FRAS1: variants seen among roughly 807,000 people sequenced by gnomAD.
FRAS1 encodes the protein extracellular matrix organizing protein FRAS1.
Under a neutral mutation model 435.2 loss-of-function variants are expected in FRAS1, and 290 were observed. That is an observed-to-expected ratio of 0.67 (90% CI 0.61 to 0.73). The LOEUF (loss-of-function observed/expected upper bound fraction) is 0.73. FRAS1 is among the 30% of genes least tolerant of loss of function. FRAS1 has a pLI of 0.00. For synonymous variants in FRAS1, 1,800 were observed against 1,851.0 expected (o/e 0.97, Z 0.71); for missense variants, 4,860 against 5,001.5 (o/e 0.97, Z 0.85).
At chr4:78,496,644 T>G (rs1427230529) in intron 59 of FRAS1, among the ~76,000 whole-genome samples, 161 bp from the exon 60 acceptor site, 1 of 152,258 alleles carries the variant, frequency 6.6e-6, no homozygotes. Context: ...AAGCATGAAC[T>G]GTTAAATTTG....
rs543984594 is a variant in FRAS1 at position 78,466,223 on chromosome 4, T to G, written c.7045T>G (p.Phe2349Val). ...TTCCGGACAGGCCGAGTCTGTCACA[T>G]TCACCATCGTGCAGCCTCCACGCCA... ...DADTEAESVTFTIVQPPRHGT... is the reference protein window; with the variant it reads ...DADTEAESVTVTIVQPPRHGT... The change falls in exon 50 of 74, where the codon TTC becomes GTC. Residue 2349 changes from phenylalanine to valine, a missense_variant. Phe to Val is a conservative substitution (Grantham distance 50, BLOSUM62 -1). Coordinates refer to ENST00000512123, the MANE Select transcript of FRAS1 (RefSeq NM_025074.7). 3 of 1,613,812 alleles carry G rather than the reference T, an allele frequency of 1.9e-6. No homozygotes were observed. The highest frequency in any genetic ancestry group is 2.5e-6 in the Non-Finnish European group (3 of 1,179,848).
At chr4:78,106,062 C>T (rs1189773965) in intron 2 of FRAS1, among the ~76,000 whole-genome samples, 2 of 129,012 alleles carry the variant, frequency 1.6e-5, no homozygotes, top group South Asian at 2.5e-4. Flanking sequence ...CGGCGCACCA[C>T]GAGACTATAT....
chr4:78,436,296 A>G (rs1016604098), intron 38 of FRAS1, among the ~76,000 whole-genome samples: 1 of 152,218 alleles, frequency 6.6e-6, no homozygotes, highest in African/African-American at 2.4e-5. Context: ...GGGAAAGCAT[A>G]TTAAAACCAT....
Position 78,522,783 on chromosome 4 carries a change from T to G in FRAS1, c.10783T>G (p.Trp3595Gly). Residue 3595 changes from tryptophan (W) to glycine (G), a missense_variant, in exon 69 of 74, where the codon TGG (tryptophan) becomes GGG (glycine). By Grantham distance (184) the Trp-to-Gly change is radical. Transcript: ENST00000512123. ...GACTTTTGATTCTCCACATCAACTC[T>G]GGAGAGCCACAAGCTCTTATAACAG... ...AQTFDSPHQLWRATSSYNRKD... is the reference protein window; with the variant it reads ...AQTFDSPHQLGRATSSYNRKD... 1 of 1,611,300 alleles carries G rather than the reference T, an allele frequency of 6.2e-7. No homozygotes were observed. The highest frequency in any genetic ancestry group is 1.7e-4 in the Middle Eastern group (1 of 6,044).
chr4:78,286,266 C>A, intron 13 of FRAS1, 139 bp from the exon 14 acceptor site: 1 of 892,148 alleles, frequency 1.1e-6, no homozygotes, highest in South Asian at 1.3e-5. Flanking sequence ...CAGATGATGG[C>A]TGTTAAAATT....
intron 30 of FRAS1, among the ~76,000 whole-genome samples, chr4:78,404,347 CA>C (rs1450485101): frequency 2.7e-5 from 4 of 149,636 alleles, no homozygotes; most frequent in Non-Finnish European, 5.9e-5. Context: ...CTTGGGTTTT[CA>C]TGTTTAAAAT....
chr4:78,386,044 A>C (rs998577424), intron 28 of FRAS1, among the ~76,000 whole-genome samples: 1 of 152,194 alleles, frequency 6.6e-6, no homozygotes, highest in African/African-American at 2.4e-5. Flanking sequence ...CTCCAGTGAA[A>C]GATCAAAGGT....
In FRAS1 at chr4:78,058,060, T is replaced by G. The variant is rs1211580537; in HGVS notation, c.51T>G (p.Phe17Leu). The change falls in exon 1 of 74, where the codon TTT (phenylalanine) becomes TTG (leucine). Residue 17 changes from phenylalanine to leucine, a missense_variant. Physicochemically the swap from Phe to Leu is conservative, Grantham distance 22. Coordinates refer to ENST00000512123, the MANE Select transcript of FRAS1 (RefSeq NM_025074.7). Reference protein sequence around the residue: ...WLGLALALAEFAVLPHHSEGA... With the variant: ...WLGLALALAELAVLPHHSEGA... The stretch of plus-strand genomic sequence containing the variant: ...GGCTGGCCCTAGCGTTGGCGGAATT[T>G]GCAGTATTGCCTCATCATTCCGAAG... 2 of 1,613,894 alleles carry G rather than the reference T, an allele frequency of 1.2e-6. No homozygotes were observed. Among genetic ancestry groups the G allele is most frequent in the South Asian group, 2.2e-5 (2 of 91,078 alleles).
intron 30 of FRAS1, among the ~76,000 whole-genome samples, chr4:78,406,564 A>G (rs1269580183): frequency 7.9e-5 from 12 of 152,310 alleles, no homozygotes; most frequent in East Asian, 1.9e-4. Flanking sequence ...ACCGGCCCCT[A>G]TGATTCAATT....
At position 78,245,130 on chromosome 4, in the gene FRAS1, C is replaced by T. The variant is rs549715736; in HGVS notation, c.217-103C>T. On this transcript the variant is annotated intron_variant, in intron 3 of 73. Coordinates refer to ENST00000512123, the MANE Select transcript of FRAS1 (RefSeq NM_025074.7). ...CCATCTGTTGTTGTCACCTCAGAAA[C>T]GCATGAGATTTAGTGAATGTAAGAT... 883 of 793,048 alleles carry T rather than the reference C, an allele frequency of 1.1e-3. 3 individuals carry two copies. Among genetic ancestry groups the T allele is most frequent in the Non-Finnish European group, 1.4e-3 (636 of 456,958 alleles). The allele number at this position is 793,048 out of a possible 1,614,324, so 49.1% of individuals were successfully genotyped here.
At chr4:78,314,782 G>T (rs1046406007) in intron 15 of FRAS1, among the ~76,000 whole-genome samples, 3 of 152,114 alleles carry the variant, frequency 2.0e-5, no homozygotes, top group African/African-American at 7.2e-5. Flanking sequence ...AGCCTGACAT[G>T]GTCCTACTGC....
chr4:78,276,893 G>T (rs960974544), intron 9 of FRAS1, among the ~76,000 whole-genome samples: 10 of 152,174 alleles, frequency 6.6e-5, no homozygotes, highest in African/African-American at 1.9e-4. Context: ...CTTTTGTTTG[G>T]CTATGCCCTG....
chr4:78,303,610 T>C (rs1170752650), intron 14 of FRAS1, among the ~76,000 whole-genome samples: 1 of 152,200 alleles, frequency 6.6e-6, no homozygotes. Context: ...TTATTCTCTT[T>C]GAAGCAATTG....
rs762051177 is a variant in FRAS1, at chr4:78,519,484, A to G, written c.10540+3A>G. 12 of 1,607,492 alleles carry G rather than the reference A, an allele frequency of 7.5e-6. No individual in the cohort carries two copies. The highest frequency in any genetic ancestry group is 8.5e-6 in the Non-Finnish European group (10 of 1,177,462). ...TGACACTGTTCTCTGGAGAACAGGTATGCCCACTGACGCCTTAACTATCCC... is the reference window on the plus strand; with the variant it reads ...TGACACTGTTCTCTGGAGAACAGGTGTGCCCACTGACGCCTTAACTATCCC... On this transcript the variant is annotated splice_donor_region_variant and intron_variant, in intron 67 of 73. Transcript: ENST00000512123.
chr4:78,528,423 T>C (rs990282054), intron 70 of FRAS1, among the ~76,000 whole-genome samples: 3 of 152,200 alleles, frequency 2.0e-5, no homozygotes, highest in Non-Finnish European at 4.4e-5. Context: ...CTTCACATCA[T>C]CCATTCCCTT....
chr4:78,088,319 A>C (rs1169582428), intron 2 of FRAS1, among the ~76,000 whole-genome samples: 1 of 152,234 alleles, frequency 6.6e-6, no homozygotes, highest in African/African-American at 2.4e-5. Flanking sequence ...TAAAACCATA[A>C]AAACCTTAGA....
chr4:78,122,686 G>T (rs988581567), intron 2 of FRAS1, among the ~76,000 whole-genome samples: 4 of 152,194 alleles, frequency 2.6e-5, no homozygotes, highest in South Asian at 4.2e-4. Flanking sequence ...GTGTGAGATG[G>T]TATCTCATTG....
chr4:78,515,678 G>T, intron 65 of FRAS1, 121 bp from the exon 66 acceptor site: 1 of 841,188 alleles, frequency 1.2e-6, no homozygotes, highest in Non-Finnish European at 1.9e-6. Flanking sequence ...GGGTTGCTTT[G>T]TTAGTAGGGT....
chr4:78,137,739 G>T (rs560823193), intron 2 of FRAS1, among the ~76,000 whole-genome samples: 1 of 152,230 alleles, frequency 6.6e-6, no homozygotes, highest in Admixed American at 6.5e-5. Context: ...TGTGAGTCAT[G>T]GTTAATAGTA....
Sources: allele counts gnomAD v4.1 joint callset (sites outside exome capture counted in the v4.1 genomes callset), GRCh38; gene constraint gnomAD v4.1.1; transcripts MANE v1.5; gene names NCBI Gene and HGNC (gene_info 2026-07-23, HGNC 2026-07-21).